WASL: variants seen among roughly 807,000 people sequenced by gnomAD.
WASL encodes actin nucleation-promoting factor WASL.
A neutral mutation model predicts 55.5 loss-of-function variants in WASL; 20 were observed. The ratio of observed to expected loss-of-function variants is 0.36; its 90% confidence interval spans 0.25 to 0.52. The LOEUF is 0.52. Ranked by LOEUF, WASL falls within the 20% of genes least tolerant of loss-of-function variation. WASL has a pLI of 0.92. For missense variants in WASL, 504 were observed against 622.5 expected, an observed-to-expected ratio of 0.81 and a Z score of 2.03; for synonymous variants, 249 against 217.6, an observed-to-expected ratio of 1.14 and a Z score of -1.27.
intron 6 of WASL, 128 bp from the exon 7 acceptor site, chr7:123,695,993 A>G: frequency 1.3e-6 from 1 of 757,548 alleles, no homozygotes; most frequent in Non-Finnish European, 2.2e-6. Flanking sequence ...TCTCACAGAC[A>G]TAACCATATT....
At chr7:123,707,239 C>T (rs1372389067) in intron 2 of WASL, among the ~76,000 whole-genome samples, 1 of 152,168 alleles carries the variant, frequency 6.6e-6, no homozygotes, top group Non-Finnish European at 1.5e-5. Context: ...AATGTACTAT[C>T]AAACACTGCA....
intron 8 of WASL, 105 bp downstream of exon 8, chr7:123,694,610 T>A (rs531294650): frequency 8.2e-7 from 1 of 1,214,356 alleles, no homozygotes; most frequent in African/African-American, 1.6e-5. Flanking sequence ...GACTTCAACA[T>A]TCTGCTCAAG....
In WASL at chr7:123,708,848, C is replaced by T. The variant is rs1479054914; in HGVS notation, c.252+241G>A. ...AGGCATAATTTAAAAAAAAAAAAAG[C>T]CTTAATGCGTGGTAGCAGGAGAAAG... On this transcript the variant is annotated intron_variant, in intron 2 of 10. Coordinates refer to ENST00000223023, the MANE Select transcript of WASL (RefSeq NM_003941.4). 7.3e-5 allele frequency among the ~76,000 whole-genome samples: 11 copies of T among 150,584 alleles called. 1 individual carries two copies. The highest frequency in any genetic ancestry group is 4.6e-4 in the Admixed American group (7 of 15,116).
At chr7:123,693,936 A>G (rs1019133028) in intron 8 of WASL, among the ~76,000 whole-genome samples, 4 of 152,224 alleles carry the variant, frequency 2.6e-5, no homozygotes, top group African/African-American at 7.2e-5. Flanking sequence ...TATGAACTAT[A>G]TAAGTCAATC....
At chr7:123,743,578 A>G (rs1387728847) in intron 1 of WASL, among the ~76,000 whole-genome samples, 1 of 152,222 alleles carries the variant, frequency 6.6e-6, no homozygotes, top group African/African-American at 2.4e-5. Context: ...CTAAGTCAAA[A>G]CAAATACAAT....
intron 1 of WASL, among the ~76,000 whole-genome samples, chr7:123,737,163 CA>C (rs201141349): frequency 1.3e-5 from 2 of 149,866 alleles, no homozygotes; most frequent in South Asian, 2.1e-4. Flanking sequence ...TAAAAAATTG[CA>C]AAAAAAAATA....
At chr7:123,743,721 C>CT (rs1344808710) in intron 1 of WASL, among the ~76,000 whole-genome samples, 1 of 152,136 alleles carries the variant, frequency 6.6e-6, no homozygotes, top group Non-Finnish European at 1.5e-5. Context: ...GTCATGGACT[C>CT]TAAGTATTTT....
chr7:123,728,352 T>A (rs946047625), intron 1 of WASL, among the ~76,000 whole-genome samples: 1 of 152,138 alleles, frequency 6.6e-6, no homozygotes, highest in Non-Finnish European at 1.5e-5. Context: ...TTCTTAGAAA[T>A]TGTCATAAAA....
At chr7:123,707,519 C>G (rs561745963) in intron 2 of WASL, among the ~76,000 whole-genome samples, 20 of 151,986 alleles carry the variant, frequency 1.3e-4, no homozygotes, top group Non-Finnish European at 2.9e-4. Context: ...CCAAAGGTGA[C>G]GAATTATGAG....
intron 1 of WASL, among the ~76,000 whole-genome samples, chr7:123,727,353 T>TCACACACACACA (rs150375537): frequency 0.043 from 6,280 of 147,752 alleles, 178 homozygotes; most frequent in African/African-American, 0.051. Context: ...AAAATATGTG[T>TCACACACACACA]CACACACACA....
chr7:123,686,974 G>A (rs1350839277), intron 10 of WASL, among the ~76,000 whole-genome samples: 3 of 152,050 alleles, frequency 2.0e-5, no homozygotes, highest in Admixed American at 6.6e-5. Context: ...GACTCATAAC[G>A]AAATGCCTAC....
chr7:123,720,649 GA>G (rs1389363547), intron 1 of WASL, among the ~76,000 whole-genome samples: 2 of 147,696 alleles, frequency 1.4e-5, no homozygotes, highest in African/African-American at 5.0e-5. Flanking sequence ...CACACTGTGG[GA>G]TTTTTTTTTT....
chr7:123,726,063 G>C (rs534186899), intron 1 of WASL, among the ~76,000 whole-genome samples: 1 of 152,076 alleles, frequency 6.6e-6, no homozygotes. Flanking sequence ...TAATGTTACA[G>C]ACCAGTATTT....
chr7:123,730,433 G>C (rs1006496946), intron 1 of WASL, among the ~76,000 whole-genome samples: 1 of 152,042 alleles, frequency 6.6e-6, no homozygotes, highest in Non-Finnish European at 1.5e-5. Context: ...AAGAAAATGG[G>C]AATATTGTGT....
At chr7:123,717,502 G>A (rs1195854633) in intron 1 of WASL, among the ~76,000 whole-genome samples, 2 of 152,150 alleles carry the variant, frequency 1.3e-5, no homozygotes, top group Non-Finnish European at 2.9e-5. Flanking sequence ...ACCACATGAT[G>A]CATCCGGACT....
intron 5 of WASL, among the ~76,000 whole-genome samples, chr7:123,698,501 T>C (rs561711579): frequency 6.6e-6 from 1 of 152,238 alleles, no homozygotes; most frequent in African/African-American, 2.4e-5. Flanking sequence ...GGCATATTTT[T>C]AATATCACCA....
At chr7:123,712,036 C>T (rs1803765849) in intron 1 of WASL, among the ~76,000 whole-genome samples, 1 of 152,092 alleles carries the variant, frequency 6.6e-6, no homozygotes, top group South Asian at 2.1e-4. Context: ...GAAGTGAATT[C>T]CCTCCCACTG....
intron 1 of WASL, among the ~76,000 whole-genome samples, chr7:123,717,873 C>G (rs1584866648): frequency 6.6e-6 from 1 of 152,092 alleles, no homozygotes; most frequent in Admixed American, 6.5e-5. Flanking sequence ...CACACAAAAG[C>G]AGCCATAGAT....
chr7:123,694,598 T>C (rs1020238808), intron 8 of WASL, 117 bp downstream of exon 8: 8 of 1,054,474 alleles, frequency 7.6e-6, no homozygotes, highest in Admixed American at 2.8e-5. Flanking sequence ...TAGTTGTCCA[T>C]AGACTTCAAC....
Sources: allele counts gnomAD v4.1 joint callset (sites outside exome capture counted in the v4.1 genomes callset), GRCh38; gene constraint gnomAD v4.1.1; transcripts MANE v1.5; gene names NCBI Gene and HGNC (gene_info 2026-07-23, HGNC 2026-07-21).